Variants in SYK observed in about 807,000 individuals in gnomAD.
SYK encodes spleen associated tyrosine kinase.
Under a neutral mutation model 77.8 loss-of-function variants are expected in SYK, and 16 were observed. That is an observed-to-expected ratio of 0.21 (90% CI 0.14 to 0.31). The LOEUF is 0.31. SYK is among the 10% of genes least tolerant of loss of function. SYK has a pLI of 1.00. For missense variants in SYK, 529 were observed against 814.4 expected (o/e 0.65, Z 4.26); for synonymous variants, 312 against 308.7 (o/e 1.01, Z -0.11).
At chr9:90,883,594 C>A (rs998465947) in intron 11 of SYK, among the ~76,000 whole-genome samples, 1 of 152,118 alleles carries the variant, frequency 6.6e-6, no homozygotes, top group Non-Finnish European at 1.5e-5. Flanking sequence ...TAGAGACCAC[C>A]CCTCCCTGCG....
chr9:90,821,966 GA>G, intron 1 of SYK, among the ~76,000 whole-genome samples: 1 of 152,262 alleles, frequency 6.6e-6, no homozygotes, highest in African/African-American at 2.4e-5. Flanking sequence ...CAATAGATAT[GA>G]AATAAGGTGC....
At chr9:90,879,226 AAAG>A (rs1165080899) in intron 11 of SYK, among the ~76,000 whole-genome samples, 1 of 152,262 alleles carries the variant, frequency 6.6e-6, no homozygotes, top group Non-Finnish European at 1.5e-5. Context: ...TGTTTTGAAA[AAAG>A]AAGAATGGGA....
intron 11 of SYK, among the ~76,000 whole-genome samples, chr9:90,881,692 G>GAAAAAAAAAAAAAAAAA (rs1828163067): frequency 1.6e-5 from 1 of 60,912 alleles, no homozygotes. Context: ...AAAAAAAAAG[G>GAAAAAAAAAAAAAAAAA]AATAAAAAGT....
intron 1 of SYK, among the ~76,000 whole-genome samples, chr9:90,807,909 G>C (rs12685044): frequency 0.12 from 17,522 of 152,170 alleles, 1,191 homozygotes; most frequent in Admixed American, 0.23. Context: ...ATGTGTGCAC[G>C]TCTTCAGAAG....
At position 90,895,801 on chromosome 9, in the gene SYK, G is replaced by A. The variant is rs201177252; in HGVS notation, c.*201G>A. On this transcript the variant is annotated 3_prime_UTR_variant, in exon 14 of 14. Transcript: ENST00000375754. The surrounding 1 kb of genome is among the most constrained non-coding windows in gnomAD (Gnocchi z 4.4). ...CAAAGGCAGTCCCGGGAGAAAAGAC[G>A]GATGGCAGGATCCAAGGGGCTAGCT... is the stretch of plus-strand genomic sequence containing the variant. The A allele has an allele frequency of 2.0e-5, 11 of 539,156 alleles. No homozygotes were observed. The highest frequency in any genetic ancestry group is 5.0e-5 in the South Asian group (2 of 40,086). The allele number at this position is 539,156 out of a possible 1,614,324, so 33.4% of individuals were successfully genotyped here.
intron 1 of SYK, among the ~76,000 whole-genome samples, chr9:90,815,094 TAA>T (rs112169586): frequency 6.8e-6 from 1 of 147,988 alleles, no homozygotes; most frequent in Non-Finnish European, 1.5e-5. Context: ...TCTCTTCGGT[TAA>T]AAAAAAAAAA....
chr9:90,866,462 G>A (rs1157640630), intron 6 of SYK, among the ~76,000 whole-genome samples: 3 of 152,126 alleles, frequency 2.0e-5, no homozygotes, highest in African/African-American at 7.2e-5. Flanking sequence ...ATGCCTTTAT[G>A]GAAGTGTGAC....
intron 1 of SYK, among the ~76,000 whole-genome samples, chr9:90,837,401 GT>G (rs1231123259): frequency 1.3e-5 from 2 of 152,086 alleles, no homozygotes; most frequent in African/African-American, 4.8e-5. Flanking sequence ...ATGTGCGGGG[GT>G]GGCCAAGGTA....
chr9:90,889,166 G>A (rs1828694065), intron 13 of SYK, among the ~76,000 whole-genome samples: 1 of 152,222 alleles, frequency 6.6e-6, no homozygotes, highest in Non-Finnish European at 1.5e-5. Flanking sequence ...GATCCCAGGT[G>A]CTGTTATGCT....
intron 1 of SYK, among the ~76,000 whole-genome samples, chr9:90,835,271 GA>G (rs1257926492): frequency 1.8e-4 from 28 of 152,334 alleles, no homozygotes; most frequent in South Asian, 4.1e-4. Flanking sequence ...ACATGCTTTT[GA>G]AAAGGGAAGC....
At chr9:90,816,292 G>A (rs748771699) in intron 1 of SYK, among the ~76,000 whole-genome samples, 1 of 152,158 alleles carries the variant, frequency 6.6e-6, no homozygotes, top group Non-Finnish European at 1.5e-5. Context: ...CATGTGTTTA[G>A]AAGGCAGATA....
intron 1 of SYK, among the ~76,000 whole-genome samples, chr9:90,811,593 A>G (rs1394886610): frequency 9.9e-5 from 15 of 152,216 alleles, no homozygotes; most frequent in Non-Finnish European, 2.9e-5. Context: ...GTGAAAAAGC[A>G]AGATGTAACA....
chr9:90,890,022 A>T (rs290253), intron 13 of SYK, among the ~76,000 whole-genome samples: 88,840 of 152,112 alleles, frequency 0.58, 26,150 homozygotes, highest in Middle Eastern at 0.74. Context: ...AGAGTTTAAA[A>T]CATTGTGATA....
intron 4 of SYK, among the ~76,000 whole-genome samples, chr9:90,862,762 A>G (rs1265381697): frequency 6.6e-6 from 1 of 152,252 alleles, no homozygotes; most frequent in Non-Finnish European, 1.5e-5. Context: ...AGCCCAGAAC[A>G]GCCTTTCAGA....
intron 3 of SYK, among the ~76,000 whole-genome samples, chr9:90,854,267 G>T (rs1402408183): frequency 6.6e-6 from 1 of 152,212 alleles, no homozygotes. Context: ...TGGAGCAGGG[G>T]CGGCTGCTCT....
chr9:90,821,149 CA>C (rs1330136555), intron 1 of SYK, among the ~76,000 whole-genome samples: 1 of 152,182 alleles, frequency 6.6e-6, no homozygotes, highest in African/African-American at 2.4e-5. Flanking sequence ...CAAAACCATT[CA>C]ACAAGTCTCT....
chr9:90,856,447 G>C (rs972210269), intron 3 of SYK, among the ~76,000 whole-genome samples: 2 of 151,676 alleles, frequency 1.3e-5, no homozygotes, highest in Non-Finnish European at 2.9e-5. Flanking sequence ...ATTTTCCCTT[G>C]CCTTTTCTGT....
rs1564120000 is a variant in SYK at position 90,884,191 on chromosome 9, A to ACATACACATACGTGTATATATACACG, written c.1582-3553_1582-3528dup. Among the ~76,000 whole-genome samples, 73 of 149,156 alleles carry ACATACACATACGTGTATATATACACG rather than the reference A, an allele frequency of 4.9e-4. 5 individuals carry two copies. The highest frequency in any genetic ancestry group is 1.4e-3 in the African/African-American group (55 of 38,912). ...CATACACATACGTGTATATATACAC[A>ACATACACATACGTGTATATATACACG]CATACACATACGTGTATATATACAC... On this transcript the variant is annotated intron_variant, in intron 11 of 13. Transcript: ENST00000375754.
At chr9:90,874,438 G>A (rs1322340408) in intron 8 of SYK, 147 bp downstream of exon 8, 3 of 923,422 alleles carry the variant, frequency 3.2e-6, no homozygotes, top group Non-Finnish European at 5.1e-6. Context: ...TCTAGTGGCA[G>A]GCAGCAGGCA....
Sources: allele counts gnomAD v4.1 joint callset (sites outside exome capture counted in the v4.1 genomes callset), GRCh38; gene constraint gnomAD v4.1.1; non-coding constraint Gnocchi (gnomAD v3.1); transcripts MANE v1.5; gene names NCBI Gene and HGNC (gene_info 2026-07-23, HGNC 2026-07-21).